SPATA13: variants seen among roughly 807,000 people sequenced by gnomAD.
The protein encoded by SPATA13 is spermatogenesis associated 13, also known as spermatogenesis-associated protein 13.
In SPATA13, 50 loss-of-function variants were observed where a neutral mutation model predicts 104.0. The ratio of observed to expected loss-of-function variants is 0.48; its 90% confidence interval spans 0.38 to 0.61. The LOEUF is 0.61. Among genes scored for constraint, SPATA13 ranks in the 20% least tolerant of loss-of-function variants. The pLI is 0.00. For missense variants in SPATA13, 1,524 were observed against 1,690.6 expected (o/e 0.90, Z 1.73); for synonymous variants, 606 against 667.5 (o/e 0.91, Z 1.42).
intron 1 of SPATA13, among the ~76,000 whole-genome samples, chr13:23,980,355 C>T (rs1316614879): frequency 6.6e-6 from 1 of 152,174 alleles, no homozygotes; most frequent in Non-Finnish European, 1.5e-5. Flanking sequence ...GACGGAGGAG[C>T]CGCGGGGGAG....
Position 24,224,586 on chromosome 13 carries a change from A to G in SPATA13, c.1653+4A>G. On this transcript the variant is annotated splice_donor_region_variant and intron_variant, in intron 2 of 12. Transcript: ENST00000382108. ...AGAAGAAAAGGAGAAGGAGGAGGTAAGGGCAGCGGCGAGGTCCCTCATGTG... is the reference window on the plus strand; with the variant it reads ...AGAAGAAAAGGAGAAGGAGGAGGTAGGGGCAGCGGCGAGGTCCCTCATGTG... 1 of 1,537,456 alleles carries G rather than the reference A, an allele frequency of 6.5e-7. No individual in the cohort carries two copies. Among genetic ancestry groups the G allele is most frequent in the Non-Finnish European group, 8.7e-7 (1 of 1,146,904 alleles).
At chr13:24,116,482 C>T (rs554885712) in intron 3 of SPATA13, among the ~76,000 whole-genome samples, 3 of 152,252 alleles carry the variant, frequency 2.0e-5, no homozygotes, top group South Asian at 2.1e-4. Flanking sequence ...GGGTGGCTGC[C>T]GCAGTAGCAT....
intron 3 of SPATA13, among the ~76,000 whole-genome samples, chr13:24,097,020 A>G (rs1246751364): frequency 6.6e-6 from 1 of 152,248 alleles, no homozygotes; most frequent in Non-Finnish European, 1.5e-5. Flanking sequence ...CAAGGAGCCT[A>G]GTTAGAGGTG....
At chr13:24,296,515 AT>A (rs1449117679) in intron 10 of SPATA13, among the ~76,000 whole-genome samples, 3 of 152,242 alleles carry the variant, frequency 2.0e-5, no homozygotes, top group Non-Finnish European at 4.4e-5. Context: ...CTGACAATTT[AT>A]CGTCTGGCCT....
chr13:24,281,240 TC>T (rs1230909599), intron 4 of SPATA13, among the ~76,000 whole-genome samples: 7 of 152,294 alleles, frequency 4.6e-5, no homozygotes, highest in South Asian at 4.1e-4. Flanking sequence ...AATTTACTCC[TC>T]CCCCTCCAAC....
intron 2 of SPATA13, among the ~76,000 whole-genome samples, chr13:23,995,043 G>A (rs1875613387): frequency 6.6e-6 from 1 of 152,098 alleles, no homozygotes. Context: ...CGTCTAGTGG[G>A]TAGAGGCCAG....
intron 2 of SPATA13, among the ~76,000 whole-genome samples, chr13:24,003,899 G>T (rs925667206): frequency 1.3e-5 from 2 of 152,044 alleles, no homozygotes; most frequent in African/African-American, 4.8e-5. Flanking sequence ...CATTAAACAA[G>T]AACCAATACA....
intron 3 of SPATA13, among the ~76,000 whole-genome samples, chr13:24,031,692 T>C (rs1462596266): frequency 2.6e-5 from 4 of 152,222 alleles, no homozygotes; most frequent in African/African-American, 4.8e-5. Context: ...TCATATGACC[T>C]GCCCTTGGGG....
chr13:24,260,731 C>T (rs1238954940), intron 4 of SPATA13, among the ~76,000 whole-genome samples: 1 of 152,160 alleles, frequency 6.6e-6, no homozygotes, highest in Non-Finnish European at 1.5e-5. Flanking sequence ...CAGATTGTTT[C>T]GCCAGTGTCT....
intron 2 of SPATA13, 94 bp downstream of exon 2, chr13:24,224,676 C>A: frequency 7.6e-7 from 1 of 1,313,008 alleles, no homozygotes; most frequent in East Asian, 2.5e-5. Flanking sequence ...CTGTCAAGGT[C>A]AGTGGCCCTC....
intron 2 of SPATA13, among the ~76,000 whole-genome samples, chr13:23,998,061 C>G (rs1283979349): frequency 7.9e-5 from 12 of 152,160 alleles, no homozygotes; most frequent in Admixed American, 7.9e-4. Flanking sequence ...GACAAATGTA[C>G]TCTTTTCTTC....
At chr13:24,190,447 G>C (rs61948466) in intron 1 of SPATA13, among the ~76,000 whole-genome samples, 16,537 of 32,370 alleles carry the variant, frequency 0.51, 5,768 homozygotes, top group Non-Finnish European at 0.77. Context: ...GCAAAGTAAA[G>C]TGAAAACCTT....
intron 3 of SPATA13, among the ~76,000 whole-genome samples, chr13:24,023,266 T>C (rs1171496857): frequency 6.6e-6 from 1 of 152,132 alleles, no homozygotes; most frequent in African/African-American, 2.4e-5. Context: ...GAACTCATCC[T>C]TTTTTATGGC....
Position 24,223,031 on chromosome 13 carries a change from G to A in SPATA13, c.102G>A (p.Ser34=), listed in dbSNP as rs369711697. ...GPGPAAPCAG[S]DLKDAKMVTS... ...GCCCCGCAGCCCCCTGTGCAGGCTC[G>A]GACCTGAAAGACGCCAAGATGGTGA... The change falls in exon 2 of 13, where the codon TCG becomes TCA. Residue 34 remains serine, a synonymous_variant. Transcript: ENST00000382108. 371 of 1,551,640 alleles carry A rather than the reference G, an allele frequency of 2.4e-4. 2 individuals carry two copies. The highest frequency in any genetic ancestry group is 2.0e-3 in the African/African-American group (148 of 73,170).
At chr13:24,012,983 G>A (rs761068387) in intron 2 of SPATA13, among the ~76,000 whole-genome samples, 49 of 152,150 alleles carry the variant, frequency 3.2e-4, no homozygotes, top group Non-Finnish European at 5.6e-4. Flanking sequence ...CCTTCTCACC[G>A]TGACGGCAGA....
intron 3 of SPATA13, among the ~76,000 whole-genome samples, chr13:24,116,780 C>T (rs73164074): frequency 2.4e-4 from 36 of 150,818 alleles, no homozygotes; most frequent in Non-Finnish European, 3.1e-4. Context: ...CCCCCCCCCC[C>T]CAATGTGCTG....
chr13:24,222,064 C>T (rs556589064), intron 1 of SPATA13, among the ~76,000 whole-genome samples: 6 of 152,270 alleles, frequency 3.9e-5, no homozygotes, highest in Admixed American at 1.3e-4. Context: ...CCACGTGCCT[C>T]GGACTCCCAA....
rs114610220 is a variant in SPATA13 at position 24,284,822 on chromosome 13, C to A, written c.2301+551C>A. On this transcript the variant is annotated intron_variant, in intron 5 of 12. Transcript: ENST00000382108. ...CTTTCCACTTGATAAAGAATACCCT[C>A]CCCTCCACTATCTCATGTAATTCTC... is the stretch of plus-strand genomic sequence containing the variant. 4.9e-3 allele frequency among the ~76,000 whole-genome samples: 745 copies of A among 152,292 alleles called. 7 individuals carry two copies. The highest frequency in any genetic ancestry group is 0.017 in the African/African-American group (716 of 41,562).
chr13:24,191,687 T>C (rs972239250), intron 1 of SPATA13, among the ~76,000 whole-genome samples: 2 of 151,824 alleles, frequency 1.3e-5, no homozygotes, highest in Non-Finnish European at 2.9e-5. Context: ...TTTTTTTGTA[T>C]TTTTAGTAGA....
Sources: gnomAD v4.1 joint callset for allele counts (sites outside exome capture counted in the v4.1 genomes callset) on GRCh38, gnomAD v4.1.1 for gene constraint, MANE v1.5 for transcripts, NCBI Gene and HGNC (gene_info 2026-07-23, HGNC 2026-07-21) for gene names.